SYT1: variants seen among roughly 807,000 people sequenced by gnomAD.
The protein encoded by SYT1 is synaptotagmin-1.
A neutral mutation model predicts 44.8 loss-of-function variants in SYT1; 8 were observed. The observed-to-expected ratio is 0.18, with a 90% CI of 0.10 to 0.32. The LOEUF is 0.32. Among genes scored for constraint, SYT1 ranks in the 10% least tolerant of loss-of-function variants. The pLI is 1.00. For synonymous variants in SYT1, 154 were observed against 188.8 expected (o/e 0.82, Z 1.51); for missense variants, 286 against 509.3 (o/e 0.56, Z 4.22).
intron 2 of SYT1, among the ~76,000 whole-genome samples, chr12:79,015,642 C>T (rs1304715537): frequency 5.9e-5 from 9 of 152,166 alleles, no homozygotes; most frequent in African/African-American, 1.9e-4. Flanking sequence ...TAAATATAAT[C>T]GCTCCCTATT....
At chr12:78,975,423 A>G (rs1444542532) in intron 1 of SYT1, among the ~76,000 whole-genome samples, 1 of 152,102 alleles carries the variant, frequency 6.6e-6, no homozygotes, top group Non-Finnish European at 1.5e-5. Context: ...GGCATTTAGA[A>G]AATTGTTCCT....
At chr12:78,991,445 T>G (rs904523305) in intron 2 of SYT1, among the ~76,000 whole-genome samples, 5 of 152,128 alleles carry the variant, frequency 3.3e-5, no homozygotes, top group Non-Finnish European at 5.9e-5. Context: ...TGAAAAAACC[T>G]CACAGTTAAT....
intron 9 of SYT1, among the ~76,000 whole-genome samples, chr12:79,431,947 A>G (rs1282781604): frequency 6.6e-6 from 1 of 152,166 alleles, no homozygotes. Context: ...CCTCAAAGCT[A>G]TTTATCTCCT....
intron 8 of SYT1, among the ~76,000 whole-genome samples, chr12:79,309,034 C>A (rs1337133713): frequency 1.3e-5 from 2 of 152,154 alleles, no homozygotes; most frequent in East Asian, 1.9e-4. Context: ...GTGAAAAAGG[C>A]CGGTGAAACA....
At chr12:78,945,444 AT>A (rs1176578528) in intron 1 of SYT1, among the ~76,000 whole-genome samples, 3 of 149,316 alleles carry the variant, frequency 2.0e-5, no homozygotes, top group Non-Finnish European at 4.4e-5. Context: ...ATTCATACAT[AT>A]TTTACATTTA....
intron 3 of SYT1, among the ~76,000 whole-genome samples, chr12:79,184,820 CA>C (rs1428669812): frequency 1.3e-5 from 2 of 152,062 alleles, no homozygotes; most frequent in Non-Finnish European, 2.9e-5. Context: ...TGGTTTGTGA[CA>C]TCATCTTTAT....
At chr12:79,153,887 C>T (rs1257491769) in intron 3 of SYT1, among the ~76,000 whole-genome samples, 1 of 151,970 alleles carries the variant, frequency 6.6e-6, no homozygotes, top group East Asian at 1.9e-4. Flanking sequence ...AAAACATGTA[C>T]CCACATGGAA....
intron 3 of SYT1, among the ~76,000 whole-genome samples, chr12:79,112,378 CA>C (rs962135899): frequency 6.6e-6 from 1 of 151,616 alleles, no homozygotes; most frequent in Admixed American, 6.6e-5. Flanking sequence ...AAGAGTGATA[CA>C]AAAAAAAGTT....
At chr12:79,146,890 G>C (rs1356687194) in intron 3 of SYT1, among the ~76,000 whole-genome samples, 1 of 152,024 alleles carries the variant, frequency 6.6e-6, no homozygotes, top group Non-Finnish European at 1.5e-5. Context: ...GCCCAGGCTA[G>C]AGCACAATGG....
chr12:79,342,253 A>T (rs1882410486), intron 8 of SYT1, among the ~76,000 whole-genome samples: 1 of 152,042 alleles, frequency 6.6e-6, no homozygotes, highest in Non-Finnish European at 1.5e-5. Flanking sequence ...TTTTTTAGAG[A>T]CAGGGTCTTG....
intron 8 of SYT1, among the ~76,000 whole-genome samples, chr12:79,308,688 G>C (rs1880606516): frequency 2.0e-5 from 3 of 151,970 alleles, no homozygotes; most frequent in Admixed American, 6.5e-5. Flanking sequence ...CAAGGAATCT[G>C]GCTCTTCCAC....
intron 3 of SYT1, among the ~76,000 whole-genome samples, chr12:79,146,727 G>T (rs946778055): frequency 6.6e-6 from 1 of 152,116 alleles, no homozygotes; most frequent in Non-Finnish European, 1.5e-5. Flanking sequence ...ATAAACAGAG[G>T]CCATTGAAGT....
chr12:79,380,105 T>C (rs1210702728), intron 9 of SYT1, among the ~76,000 whole-genome samples: 1 of 152,224 alleles, frequency 6.6e-6, no homozygotes, highest in East Asian at 1.9e-4. Flanking sequence ...ATTCCATTTC[T>C]TTTGAAGATT....
At chr12:78,876,833 T>TTATACATAA (rs1874144453) in intron 1 of SYT1, among the ~76,000 whole-genome samples, 4 of 50,236 alleles carry the variant, frequency 8.0e-5, no homozygotes, top group African/African-American at 3.6e-4. Context: ...ATTATATGTA[T>TTATACATAA]TATATATAAT....
At chr12:79,083,607 G>GTAAAACGTA (rs1877183432) in intron 3 of SYT1, among the ~76,000 whole-genome samples, 1 of 152,066 alleles carries the variant, frequency 6.6e-6, no homozygotes, top group Non-Finnish European at 1.5e-5. Context: ...ATTTAAAGTT[G>GTAAAACGTA]TAAAACGTAT....
At chr12:79,030,092 C>T (rs1872744090) in intron 2 of SYT1, among the ~76,000 whole-genome samples, 1 of 151,088 alleles carries the variant, frequency 6.6e-6, no homozygotes, top group African/African-American at 2.4e-5. Flanking sequence ...CTTCATAATT[C>T]ACTTTCTAAA....
chr12:79,261,759 C>T (rs984367635), intron 4 of SYT1, among the ~76,000 whole-genome samples: 9 of 152,112 alleles, frequency 5.9e-5, no homozygotes, highest in East Asian at 1.9e-4. Context: ...GTTATTATTG[C>T]GGTATTATTA....
intron 2 of SYT1, among the ~76,000 whole-genome samples, chr12:79,016,845 A>AT (rs1317229978): frequency 6.6e-6 from 1 of 152,094 alleles, no homozygotes; most frequent in Non-Finnish European, 1.5e-5. Context: ...GAAAATTGTT[A>AT]TTTTTTATTT....
intron 9 of SYT1, among the ~76,000 whole-genome samples, chr12:79,380,078 G>T (rs895014617): frequency 6.6e-6 from 1 of 152,058 alleles, no homozygotes; most frequent in African/African-American, 2.4e-5. Context: ...TAGAATTGAC[G>T]TATTTTACTG....
Sources: allele counts gnomAD v4.1 joint callset (sites outside exome capture counted in the v4.1 genomes callset), GRCh38; gene constraint gnomAD v4.1.1; transcripts MANE v1.5; gene names NCBI Gene and HGNC (gene_info 2026-07-23, HGNC 2026-07-21).